Variants in GRIP2 observed in about 807,000 individuals in gnomAD.
GRIP2 encodes glutamate receptor interacting protein 2.
Under a neutral mutation model 108.3 loss-of-function variants are expected in GRIP2, and 58 were observed. The observed-to-expected ratio is 0.54, with a 90% confidence interval of 0.43 to 0.67. The LOEUF is 0.67. GRIP2 is among the 30% of genes least tolerant of loss of function. GRIP2 has a pLI of 0.00. For missense variants in GRIP2, 1,278 were observed against 1,430.6 expected, an observed-to-expected ratio of 0.89 and a Z score of 1.72; for synonymous variants, 586 against 598.2, an observed-to-expected ratio of 0.98 and a Z score of 0.30.
At chr3:14,532,825 G>A (rs1163000444) in intron 1 of GRIP2, among the ~76,000 whole-genome samples, 3 of 151,964 alleles carry the variant, frequency 2.0e-5, no homozygotes, top group Admixed American at 6.6e-5. Context: ...CCTGGCTCCG[G>A]GCCGGATACT....
the GRIP2 span, among the ~76,000 whole-genome samples, chr3:14,599,713 T>TGTTTG: frequency 4.1e-5 from 3 of 73,516 alleles, no homozygotes; most frequent in Admixed American, 1.3e-4. Flanking sequence ...GTGTGTGTGT[T>TGTTTG]TGTGTGTGTG....
chr3:14,494,420 CAGTT>C (rs1465550898), intron 23 of GRIP2, among the ~76,000 whole-genome samples: 33 of 152,238 alleles, frequency 2.2e-4, no homozygotes, highest in African/African-American at 7.0e-4. Context: ...GGCTCCCTCA[CAGTT>C]AGTTAGGAAG....
At chr3:14,539,844 C>T (rs1446842378) in intron 1 of GRIP2, among the ~76,000 whole-genome samples, 1 of 152,168 alleles carries the variant, frequency 6.6e-6, no homozygotes, top group Non-Finnish European at 1.5e-5. Context: ...TGTGCCAGCA[C>T]AGGAACTCCT....
chr3:14,571,402 AC>A, the GRIP2 span, among the ~76,000 whole-genome samples: 1 of 152,112 alleles, frequency 6.6e-6, no homozygotes, highest in African/African-American at 2.4e-5. Flanking sequence ...CGCAGTGGAA[AC>A]CAGGGGACCC....
chr3:14,542,260 C>A (rs180868446), upstream of GRIP2, among the ~76,000 whole-genome samples: 40 of 152,060 alleles, frequency 2.6e-4, no homozygotes, highest in East Asian at 7.1e-3. Flanking sequence ...CTCAGATGAT[C>A]CTCCCACCTC....
upstream of GRIP2, among the ~76,000 whole-genome samples, chr3:14,540,792 C>T (rs1427292757): frequency 6.6e-6 from 1 of 152,102 alleles, no homozygotes; most frequent in African/African-American, 2.4e-5. The surrounding 1 kb of genome is among the most constrained non-coding windows in gnomAD (Gnocchi z 4.1). Context: ...ACTGCATGAA[C>T]AATGCCAGGG....
chr3:14,495,212 A>AC (rs776527793), intron 22 of GRIP2, among the ~76,000 whole-genome samples: 37 of 151,638 alleles, frequency 2.4e-4, no homozygotes, highest in Admixed American at 3.3e-4. Context: ...CTCAAGTACG[A>AC]CGGAGCCCTT....
At chr3:14,600,010 T>G in the GRIP2 span, among the ~76,000 whole-genome samples, 1 of 152,186 alleles carries the variant, frequency 6.6e-6, no homozygotes, top group Admixed American at 6.5e-5. Flanking sequence ...TGAGTGATTC[T>G]GACACATGTG....
At chr3:14,548,266 G>A (rs1437191591) in intron 1 of GRIP2, among the ~76,000 whole-genome samples, 8 of 152,206 alleles carry the variant, frequency 5.3e-5, no homozygotes, top group African/African-American at 1.9e-4. Context: ...ACACAGTTCT[G>A]CGGAGAAGAG....
At chr3:14,590,049 C>A in the GRIP2 span, among the ~76,000 whole-genome samples, 10 of 152,250 alleles carry the variant, frequency 6.6e-5, no homozygotes, top group East Asian at 1.9e-3. Context: ...TGCCTCACCT[C>A]CCAAAGTGGT....
In GRIP2 at chr3:14,523,025, C is replaced by G; in HGVS notation, c.541G>C (p.Val181Leu). The change falls in exon 6 of 24, where the codon GTG (valine) becomes CTG (leucine). Residue 181 changes from valine to leucine, a missense_variant. Transcript: ENST00000621039. ...CTGTCGGCAGGGCCACCGGGCCGCA[C>G]GTAGGTCAGGACAAGCGGGCGGGAC... ...HKSRPLVLTY[V>L]RPGGPADREG... The G allele has an allele frequency of 6.2e-7, 1 of 1,613,646 alleles. No homozygotes were observed. The highest frequency in any genetic ancestry group is 2.2e-5 in the East Asian group (1 of 44,868).
intron 23 of GRIP2, 35 bp downstream of exon 23, chr3:14,494,807 GC>G: frequency 6.3e-7 from 1 of 1,593,880 alleles, no homozygotes; most frequent in Non-Finnish European, 8.6e-7. Flanking sequence ...AGGAAACAAT[GC>G]CACCCCCACT....
intron 20 of GRIP2, among the ~76,000 whole-genome samples, chr3:14,504,160 T>A (rs1315684553): frequency 2.0e-5 from 3 of 152,120 alleles, no homozygotes; most frequent in Non-Finnish European, 2.9e-5. Flanking sequence ...ATAACTCCCA[T>A]CACAGGTTGT....
chr3:14,500,113 A>C (rs1326442358), intron 21 of GRIP2, among the ~76,000 whole-genome samples: 2 of 152,266 alleles, frequency 1.3e-5, no homozygotes, highest in Non-Finnish European at 2.9e-5. Flanking sequence ...AAGATGTAGA[A>C]GTTGAAACAC....
At chr3:14,578,451 C>G in the GRIP2 span, among the ~76,000 whole-genome samples, 1 of 152,222 alleles carries the variant, frequency 6.6e-6, no homozygotes, top group East Asian at 1.9e-4. Context: ...GCACCATGGC[C>G]CACGTCTGTA....
At chr3:14,546,022 G>C (rs551258995), upstream of GRIP2, among the ~76,000 whole-genome samples, 8 of 152,328 alleles carry the variant, frequency 5.3e-5, 1 homozygote, top group East Asian at 1.5e-3. Context: ...TCACGATGTT[G>C]GCACAGAGAA....
rs1393042439 is a variant in GRIP2 at position 14,512,886 on chromosome 3, G to A, written c.1640-29C>T. The stretch of plus-strand genomic sequence containing the variant: ...GGGGTAGATGGACATAAACCGACGT[G>A]AGGACCCAGAGGAGGAGCCTCAGCG... On this transcript the variant is annotated intron_variant, in intron 13 of 23. Coordinates refer to ENST00000621039, the MANE Select transcript of GRIP2 (RefSeq NM_001080423.4). The surrounding 1 kb of genome is among the most constrained non-coding windows in gnomAD (Gnocchi z 5.1). 3.1e-6 allele frequency: 5 copies of A among 1,602,440 alleles called. No homozygotes were observed. The African/African-American group carries it at 4.0e-5, about 13-fold the overall frequency.
Position 14,521,629 on chromosome 3 carries a change from G to A in GRIP2, c.712+13C>T. ...CTCCTGCCCCAACCCACACACTCAG[G>A]CCCCCAACTCACCAGGGGTGGCCAC... On this transcript the variant is annotated intron_variant, in intron 7 of 23. Transcript: ENST00000621039. This position sits in a 1 kb window ranked among gnomAD's most constrained non-coding sequence, Gnocchi z 5.1. 1 of 1,598,162 alleles carries A rather than the reference G, an allele frequency of 6.3e-7. No homozygotes were observed. The highest frequency in any genetic ancestry group is 2.3e-5 in the East Asian group (1 of 44,430).
intron 20 of GRIP2, 179 bp from the exon 21 acceptor site, chr3:14,503,850 G>T: frequency 1.7e-6 from 1 of 599,370 alleles, no homozygotes; most frequent in East Asian, 2.8e-5. Context: ...AGTGGTTGGT[G>T]ACACGGAATA....
Sources: gnomAD v4.1 joint callset for allele counts (sites outside exome capture counted in the v4.1 genomes callset) on GRCh38, gnomAD v4.1.1 for gene constraint, Gnocchi (gnomAD v3.1) non-coding constraint, MANE v1.5 for transcripts, NCBI Gene and HGNC (gene_info 2026-07-23, HGNC 2026-07-21) for gene names.